The following SCAF11 variants were observed in gnomAD, a reference collection of about 807,000 sequenced individuals.
SCAF11 encodes protein SCAF11.
SCAF11 carries 47 observed loss-of-function variants against 140.5 expected under a neutral mutation model. That is an observed-to-expected ratio of 0.33 (90% CI 0.26 to 0.43). The LOEUF is 0.43. Ranked by LOEUF, SCAF11 falls within the 20% of genes least tolerant of loss-of-function variation. SCAF11 has a pLI of 1.00. For synonymous variants in SCAF11, 557 were observed against 579.4 expected, an observed-to-expected ratio of 0.96 and a Z score of 0.55; for missense variants, 1,645 against 1,705.1, an observed-to-expected ratio of 0.96 and a Z score of 0.62.
chr12:45,977,550 G>C (rs1174855738), intron 1 of SCAF11, among the ~76,000 whole-genome samples: 2 of 152,014 alleles, frequency 1.3e-5, no homozygotes, highest in African/African-American at 4.8e-5. Context: ...ACCTCAAAAA[G>C]CTCAATTTTA....
At chr12:45,924,569 A>G (rs1944801065) in intron 12 of SCAF11, among the ~76,000 whole-genome samples, 159 bp downstream of exon 12, 1 of 152,208 alleles carries the variant, frequency 6.6e-6, no homozygotes, top group African/African-American at 2.4e-5. Context: ...GGGGGTTTTG[A>G]GAAGGATAGT....
chr12:45,951,351 G>A (rs546396233), intron 4 of SCAF11, among the ~76,000 whole-genome samples: 1 of 152,044 alleles, frequency 6.6e-6, no homozygotes, highest in Non-Finnish European at 1.5e-5. Context: ...AAAATGTTAA[G>A]TATTTTATAA....
At position 45,959,792 on chromosome 12, in the gene SCAF11, C is replaced by T. The variant is rs180994300; in HGVS notation, c.219+1908G>A. 1.4e-3 allele frequency among the ~76,000 whole-genome samples: 215 copies of T among 152,222 alleles called. 1 individual carries two copies. Among genetic ancestry groups the T allele is most frequent in the Middle Eastern group, 3.4e-3 (1 of 294 alleles). On this transcript the variant is annotated intron_variant, in intron 3 of 14. Transcript: ENST00000369367. ...TTAATAGATTGCTCTCTTGTTACTG[C>T]TCAACTGAAAGGTTTATTTAAATGA...
chr12:45,959,200 A>C (rs1354238226), intron 3 of SCAF11, among the ~76,000 whole-genome samples: 1 of 152,116 alleles, frequency 6.6e-6, no homozygotes, highest in Non-Finnish European at 1.5e-5. Context: ...CCTGGGAGGC[A>C]GAAGTTGCAG....
intron 3 of SCAF11, among the ~76,000 whole-genome samples, chr12:45,958,201 G>C (rs1318926576): frequency 6.6e-6 from 1 of 152,034 alleles, no homozygotes; most frequent in Non-Finnish European, 1.5e-5. Context: ...CATCATGCCT[G>C]GCCAATAAAT....
At chr12:45,967,205 A>G (rs987342967) in intron 1 of SCAF11, among the ~76,000 whole-genome samples, 1 of 152,164 alleles carries the variant, frequency 6.6e-6, no homozygotes, top group African/African-American at 2.4e-5. Flanking sequence ...CCTGGGCAAC[A>G]CAGCAAGACC....
At chr12:45,981,279 A>T (rs1946344126) in intron 1 of SCAF11, among the ~76,000 whole-genome samples, 1 of 152,200 alleles carries the variant, frequency 6.6e-6, no homozygotes, top group African/African-American at 2.4e-5. Context: ...TGTTAATGAG[A>T]AAGGAAACAG....
Position 45,928,525 on chromosome 12 carries a change from G to A in SCAF11, c.1176C>T (p.Ser392=), listed in dbSNP as rs1252610888. The part of the protein sequence containing the change: ...KPPLLKKKLR[S]SVAAPEKSSS... ...ATGATTTTTCAGGGGCAGCTACAGA[G>A]CTCCGAAGTTTCTTTTTCAGTAAAG... Residue 392 remains serine (S), a synonymous_variant, in exon 11 of 15, where the codon AGC becomes AGT. Coordinates refer to ENST00000369367, the MANE Select transcript of SCAF11 (RefSeq NM_004719.3). 3 of 1,614,064 alleles carry A rather than the reference G, an allele frequency of 1.9e-6. No individual in the cohort carries two copies. Among genetic ancestry groups the A allele is most frequent in the Non-Finnish European group, 2.5e-6 (3 of 1,179,998 alleles).
chr12:45,939,261 C>A lies in SCAF11; in HGVS notation c.464-4756G>T, dbSNP rs900759925. Among the ~76,000 whole-genome samples the A allele has an allele frequency of 3.3e-5, 5 of 152,002 alleles. No homozygotes were observed. In the East Asian group the frequency reaches 9.7e-4, roughly 29 times the overall value. Reference sequence around the variant, plus strand: ...TACTATATTTATAGGCTATAATAATCTCTAATCAAGATATAAGAATTCGCA... The same window carrying A: ...TACTATATTTATAGGCTATAATAATATCTAATCAAGATATAAGAATTCGCA... On this transcript the variant is annotated intron_variant, in intron 6 of 14. Coordinates refer to ENST00000369367, the MANE Select transcript of SCAF11 (RefSeq NM_004719.3).
Position 45,933,149 on chromosome 12 carries a change from G to A in SCAF11, c.716C>T (p.Thr239Ile). ...TTTTTACCTTCCAATTCCAGGTAAT[G>A]TATCAGGAAACCATGACAATTCCAG... ...HELELSWFPD[T>I]LPGIGRIGFI... The change falls in exon 9 of 15, where the codon ACA becomes ATA. Residue 239 changes from threonine (T) to isoleucine (I), a missense_variant. Coordinates refer to ENST00000369367, the MANE Select transcript of SCAF11 (RefSeq NM_004719.3). The A allele has an allele frequency of 6.2e-7, 1 of 1,608,652 alleles. No individual in the cohort carries two copies. The highest frequency in any genetic ancestry group is 8.5e-7 in the Non-Finnish European group (1 of 1,177,072).
intron 4 of SCAF11, among the ~76,000 whole-genome samples, 159 bp downstream of exon 4, chr12:45,951,491 T>C (rs1436564647): frequency 6.6e-6 from 1 of 152,156 alleles, no homozygotes; most frequent in Non-Finnish European, 1.5e-5. Flanking sequence ...AATTTAAGTA[T>C]ATTAGTTGAA....
chr12:45,977,515 T>C (rs1426286584), intron 1 of SCAF11, among the ~76,000 whole-genome samples: 8 of 152,144 alleles, frequency 5.3e-5, no homozygotes, highest in Non-Finnish European at 1.0e-4. Flanking sequence ...GATCTATACA[T>C]GTATTAAAAC....
intron 9 of SCAF11, 32 bp downstream of exon 9, chr12:45,933,099 A>G: frequency 7.0e-7 from 1 of 1,430,390 alleles, no homozygotes. Context: ...GTTAGCATGT[A>G]AACACCTGAG....
Position 45,980,440 on chromosome 12 carries a change from ATTAACAAACCACTATGATCTTGAG to A in SCAF11, c.-22+9889_-22+9912del, listed in dbSNP as rs1367438227. Among the ~76,000 whole-genome samples the A allele has an allele frequency of 2.0e-5, 3 of 152,286 alleles. No individual in the cohort carries two copies. The South Asian group carries it at 6.2e-4, about 32-fold the overall frequency. On this transcript the variant is annotated intron_variant, in intron 1 of 14. Transcript: ENST00000369367. ...ACACTTAGTCCCTCTCTCTACATAT[ATTAACAAACCACTATGATCTTGAG>A]AGATTAACTTCATTTTACAGTGATA... is the stretch of plus-strand genomic sequence containing the variant.
intron 1 of SCAF11, among the ~76,000 whole-genome samples, chr12:45,966,916 A>G (rs1945962541): frequency 1.3e-5 from 2 of 152,208 alleles, no homozygotes; most frequent in South Asian, 2.1e-4. Flanking sequence ...AGTTAACTCA[A>G]TGTGATAAAA....
chr12:45,923,261 G>A (rs942150234), intron 12 of SCAF11, 107 bp from the exon 13 acceptor site: 1 of 868,950 alleles, frequency 1.2e-6, no homozygotes, highest in Non-Finnish European at 1.8e-6. Context: ...ACCAACCTTA[G>A]TACTAAAGAA....
intron 3 of SCAF11, chr12:45,955,930 T>C (rs966214296): frequency 1.7e-6 from 1 of 577,310 alleles, no homozygotes; most frequent in Non-Finnish European, 3.1e-6. Flanking sequence ...GAGCATATGT[T>C]TTACTGTGAA....
In SCAF11 at chr12:45,928,092, C is replaced by T. The variant is rs777285357; in HGVS notation, c.1609G>A (p.Val537Ile). ...TGAACTGTACATACATCTGTCTTTA[C>T]CTCTGATTGTGAAAGTCCAGATATC... is the stretch of plus-strand genomic sequence containing the variant. ...DQISGLSQSE[V>I]KTDVCTVHLP... Residue 537 changes from valine to isoleucine, a missense_variant, in exon 11 of 15, where the codon GTA becomes ATA. Physicochemically the swap from Val to Ile is conservative, Grantham distance 29. This residue lies in a region of SCAF11 where 1,582 missense variants were observed against 1,609.2 expected (regional missense o/e 0.98). Coordinates refer to ENST00000369367, the MANE Select transcript of SCAF11 (RefSeq NM_004719.3). 1.9e-6 allele frequency: 3 copies of T among 1,613,886 alleles called. No individual in the cohort carries two copies. The highest frequency in any genetic ancestry group is 1.1e-5 in the South Asian group (1 of 91,064).
chr12:45,971,719 T>C (rs1946078496), intron 1 of SCAF11, among the ~76,000 whole-genome samples: 1 of 152,086 alleles, frequency 6.6e-6, no homozygotes, highest in African/African-American at 2.4e-5. Context: ...TTTTTTTTGT[T>C]TTCCCCCTTT....
Sources: allele counts gnomAD v4.1 joint callset (sites outside exome capture counted in the v4.1 genomes callset), GRCh38; gene constraint gnomAD v4.1.1; regional missense constraint gnomAD v4.1.1; transcripts MANE v1.5; gene names NCBI Gene and HGNC (gene_info 2026-07-23, HGNC 2026-07-21).